FREM2: variants seen among roughly 807,000 people sequenced by gnomAD.
FREM2 encodes the protein FRAS1 related extracellular matrix 2.
FREM2 carries 119 observed loss-of-function variants against 219.9 expected under a neutral mutation model. The ratio of observed to expected loss-of-function variants is 0.54; its 90% CI spans 0.47 to 0.63. FREM2 has a LOEUF of 0.63. Ranked by LOEUF, FREM2 falls within the 30% of genes least tolerant of loss-of-function variation. FREM2 has a pLI of 0.00. For synonymous variants in FREM2, 1,562 were observed against 1,522.8 expected (o/e 1.03, Z -0.60); for missense variants, 4,030 against 3,993.6 (o/e 1.01, Z -0.25).
intron 2 of FREM2, among the ~76,000 whole-genome samples, chr13:38,745,375 A>G (rs1450104838): frequency 1.3e-5 from 2 of 152,150 alleles, no homozygotes; most frequent in African/African-American, 4.8e-5. Context: ...AATAAACTTT[A>G]CTTGAACTTC....
intron 2 of FREM2, among the ~76,000 whole-genome samples, chr13:38,763,011 T>C (rs760518805): frequency 5.3e-5 from 8 of 152,204 alleles, no homozygotes; most frequent in Non-Finnish European, 7.3e-5. Flanking sequence ...AATATTGCAA[T>C]GAATAGTTCC....
At chr13:38,753,123 C>T (rs899492188) in intron 2 of FREM2, among the ~76,000 whole-genome samples, 1 of 152,100 alleles carries the variant, frequency 6.6e-6, no homozygotes, top group Non-Finnish European at 1.5e-5. Context: ...TCTTGACAAA[C>T]TTAACTCTTG....
chr13:38,792,232 C>A (rs550314798), intron 6 of FREM2, among the ~76,000 whole-genome samples: 1 of 152,086 alleles, frequency 6.6e-6, no homozygotes, highest in Non-Finnish European at 1.5e-5. Flanking sequence ...GCCTGTAATC[C>A]CAGCTACTCA....
intron 6 of FREM2, among the ~76,000 whole-genome samples, chr13:38,840,656 A>G (rs541993614): frequency 1.9e-4 from 29 of 148,724 alleles, no homozygotes; most frequent in Middle Eastern, 3.5e-3. Flanking sequence ...GTGTATGTAT[A>G]TATATACACA....
Position 38,725,302 on chromosome 13 carries a change from G to T in FREM2, c.5263+27515G>T, listed in dbSNP as rs529063200. Among the ~76,000 whole-genome samples, 34 of 152,288 alleles carry T rather than the reference G, an allele frequency of 2.2e-4. 1 individual carries two copies. In the South Asian group the frequency reaches 6.6e-3, roughly 30 times the overall value. Reference sequence around the variant, plus strand: ...CCTTCATAATACTTTACATACATGGGAAACAAGTAGTAGACAAGTAAACAG... The same window carrying T: ...CCTTCATAATACTTTACATACATGGTAAACAAGTAGTAGACAAGTAAACAG... On this transcript the variant is annotated intron_variant, in intron 2 of 23. Coordinates refer to ENST00000280481, the MANE Select transcript of FREM2 (RefSeq NM_207361.6).
At chr13:38,761,959 G>T (rs1873242709) in intron 2 of FREM2, among the ~76,000 whole-genome samples, 1 of 152,196 alleles carries the variant, frequency 6.6e-6, no homozygotes. Context: ...ATGGGCAAAA[G>T]CTGTAGGCAA....
At chr13:38,722,744 CG>C (rs1034695410) in intron 2 of FREM2, among the ~76,000 whole-genome samples, 2 of 120,006 alleles carry the variant, frequency 1.7e-5, no homozygotes, top group Admixed American at 8.6e-5. Context: ...TAGCTGGTAA[CG>C]TTTTTTTTTT....
At position 38,687,097 on chromosome 13, in the gene FREM2, C is replaced by T. The variant is rs990302815; in HGVS notation, c.-248C>T. On this transcript the variant is annotated 5_prime_UTR_variant, in exon 1 of 24. Transcript: ENST00000280481. Reference sequence around the variant, plus strand: ...AAAGTAGAAGTGGAGGGATTCAATTCTCCGCGCGATTGAGGCGCTAGCGGC... The same window carrying T: ...AAAGTAGAAGTGGAGGGATTCAATTTTCCGCGCGATTGAGGCGCTAGCGGC... 3.4e-6 allele frequency: 2 copies of T among 588,642 alleles called. No homozygotes were observed. Among genetic ancestry groups the T allele is most frequent in the Admixed American group, 3.0e-5 (1 of 33,520 alleles). 36.5% of individuals were successfully genotyped at this position (588,642 alleles called of 1,614,324 possible). A position where few individuals can be genotyped will look rare whatever the true frequency, so the allele number is the denominator to read the frequency against.
chr13:38,803,853 T>G (rs935754589), intron 6 of FREM2, among the ~76,000 whole-genome samples: 1 of 151,644 alleles, frequency 6.6e-6, no homozygotes, highest in African/African-American at 2.4e-5. Context: ...AAAAGCTTTC[T>G]CAACAGCAGG....
chr13:38,692,707 C>G (rs767489077), intron 1 of FREM2, among the ~76,000 whole-genome samples, 190 bp downstream of exon 1: 5 of 152,112 alleles, frequency 3.3e-5, no homozygotes, highest in Non-Finnish European at 1.5e-5. Context: ...TCTCAGTGGC[C>G]TTCATTAGAG....
chr13:38,768,513 G>C (rs529926186), intron 3 of FREM2, among the ~76,000 whole-genome samples: 1 of 152,224 alleles, frequency 6.6e-6, no homozygotes, highest in East Asian at 1.9e-4. Context: ...CTGGGCTCAA[G>C]TGATCCACCC....
At chr13:38,858,710 G>T (rs540283028) in intron 13 of FREM2, among the ~76,000 whole-genome samples, 14 of 152,112 alleles carry the variant, frequency 9.2e-5, no homozygotes, top group Non-Finnish European at 8.8e-5. Context: ...ATAATTTGGC[G>T]TCAAAGTATA....
chr13:38,787,255 T>G (rs1311242910), intron 6 of FREM2, among the ~76,000 whole-genome samples: 2 of 152,196 alleles, frequency 1.3e-5, no homozygotes, highest in African/African-American at 4.8e-5. Flanking sequence ...TTGCCATTGC[T>G]TCTTCATTCA....
At position 38,850,050 on chromosome 13, in the gene FREM2, A is replaced by C. The variant is rs1179406401; in HGVS notation, c.6392A>C (p.Gln2131Pro). Reference protein sequence around the residue: ...NDSVSDLPKMQFKERIYTGSE... With the variant: ...NDSVSDLPKMPFKERIYTGSE... ...TTTGTTTTTGCAGTGCCTAAGATGC[A>C]ATTCAAAGAACGAATATATACTGGC... is the stretch of plus-strand genomic sequence containing the variant. Residue 2131 changes from glutamine to proline, a missense_variant, in exon 9 of 24, where the codon CAA (glutamine) becomes CCA (proline). Around this residue, in one of 2 missense-constraint regions of FREM2, gnomAD observed 3,102 missense variants for 2,950.7 expected, o/e 1.05. Coordinates refer to ENST00000280481, the MANE Select transcript of FREM2 (RefSeq NM_207361.6). The C allele has an allele frequency of 1.9e-6, 3 of 1,613,786 alleles. No homozygotes were observed. The highest frequency in any genetic ancestry group is 2.5e-6 in the Non-Finnish European group (3 of 1,179,724).
chr13:38,698,761 GT>G (rs1870223622), intron 2 of FREM2, among the ~76,000 whole-genome samples: 1 of 152,082 alleles, frequency 6.6e-6, no homozygotes. Context: ...TACCCTCCAT[GT>G]TTTTTGAAGC....
Position 38,690,899 on chromosome 13 carries a change from C to T in FREM2, c.3555C>T (p.Pro1185=). Residue 1185 remains proline, a synonymous_variant, in exon 1 of 24, where the codon CCC becomes CCT. Coordinates refer to ENST00000280481, the MANE Select transcript of FREM2 (RefSeq NM_207361.6). ...ERQFFPIVII[P]TNDEQPEMFM... is the part of the protein sequence containing the mutation. ...AGTTCTTCCCCATTGTAATCATTCC[C>T]ACCAATGATGAACAGCCAGAGATGT... is the stretch of plus-strand genomic sequence containing the variant. 1 of 1,613,906 alleles carries T rather than the reference C, an allele frequency of 6.2e-7. No individual in the cohort carries two copies.
chr13:38,796,280 G>A (rs1199934778), intron 6 of FREM2, among the ~76,000 whole-genome samples: 1 of 152,126 alleles, frequency 6.6e-6, no homozygotes, highest in East Asian at 1.9e-4. Flanking sequence ...TACTTCCAGA[G>A]CAATTTCTCT....
At chr13:38,794,438 C>T (rs1224866252) in intron 6 of FREM2, among the ~76,000 whole-genome samples, 1 of 152,076 alleles carries the variant, frequency 6.6e-6, no homozygotes, top group Non-Finnish European at 1.5e-5. Context: ...AGATTTTAAC[C>T]AGCTTATTTT....
intron 2 of FREM2, among the ~76,000 whole-genome samples, chr13:38,711,993 C>T (rs566964995): frequency 7.2e-6 from 1 of 138,890 alleles, no homozygotes; most frequent in East Asian, 2.2e-4. Context: ...GATCTCGGCT[C>T]ACTGCAACCT....
Sources: allele counts gnomAD v4.1 joint callset (sites outside exome capture counted in the v4.1 genomes callset), GRCh38; gene constraint gnomAD v4.1.1; regional missense constraint gnomAD v4.1.1; transcripts MANE v1.5; gene names NCBI Gene and HGNC (gene_info 2026-07-23, HGNC 2026-07-21).